CAPRIN2: variants seen among roughly 807,000 people sequenced by gnomAD.
The protein encoded by CAPRIN2 is caprin-2.
Under a neutral mutation model 130.4 loss-of-function variants are expected in CAPRIN2, and 66 were observed. The observed-to-expected ratio is 0.51, with a 90% CI of 0.42 to 0.62. CAPRIN2 has a LOEUF of 0.62. Among genes scored for constraint, CAPRIN2 ranks in the 20% least tolerant of loss-of-function variants. The pLI, the probability that CAPRIN2 is intolerant of heterozygous loss-of-function variation, is 0.00. For missense variants in CAPRIN2, 1,185 were observed against 1,246.6 expected, an observed-to-expected ratio of 0.95 and a Z score of 0.74; for synonymous variants, 471 against 444.1, an observed-to-expected ratio of 1.06 and a Z score of -0.76.
intron 12 of CAPRIN2, among the ~76,000 whole-genome samples, chr12:30,718,195 C>T (rs971676609): frequency 9.2e-5 from 14 of 152,152 alleles, no homozygotes; most frequent in African/African-American, 3.4e-4. Flanking sequence ...ACACTGCTTG[C>T]TTTTAATTAG....
At chr12:30,724,277 G>T in intron 10 of CAPRIN2, 93 bp downstream of exon 11, 1 of 783,714 alleles carries the variant, frequency 1.3e-6, no homozygotes, top group East Asian at 2.5e-5. Context: ...CAACATATTA[G>T]GACATCTAAA....
At chr12:30,718,273 C>G (rs1287862819) in intron 12 of CAPRIN2, among the ~76,000 whole-genome samples, 1 of 152,132 alleles carries the variant, frequency 6.6e-6, no homozygotes, top group South Asian at 2.1e-4. Flanking sequence ...AGAGTGAAAG[C>G]AAGGAACTAT....
At chr12:30,734,710 A>G (rs916445410) in intron 4 of CAPRIN2, among the ~76,000 whole-genome samples, 2 of 152,154 alleles carry the variant, frequency 1.3e-5, no homozygotes, top group Admixed American at 1.3e-4. Context: ...TCAGTATTAC[A>G]ATAAAGAAGC....
intron 12 of CAPRIN2, chr12:30,719,489 G>A (rs1173180373): frequency 1.8e-5 from 7 of 388,238 alleles, no homozygotes; most frequent in South Asian, 1.2e-4. Context: ...CTTTTTATAC[G>A]CACCTAGTCC....
At chr12:30,728,721 C>G in exon 8 of CAPRIN2, 1 of 1,614,168 alleles carries the variant, frequency 6.2e-7, no homozygotes, top group Non-Finnish European at 8.5e-7. Context: ...AGCTACTCCC[C>G]AGGACTTTGG....
exon 6 of CAPRIN2, chr12:30,731,417 G>A: frequency 6.2e-7 from 1 of 1,612,786 alleles, no homozygotes; most frequent in African/African-American, 1.3e-5. Context: ...TTCCTCCAGT[G>A]GTACTTCCTT....
intron 7 of CAPRIN2, 105 bp downstream of exon 8, chr12:30,730,133 AG>A: frequency 1.2e-6 from 1 of 866,246 alleles, no homozygotes; most frequent in Non-Finnish European, 1.9e-6. Flanking sequence ...CTGCAGAACC[AG>A]GGTTCAAGCT....
At chr12:30,709,690 G>C (rs559739172) in exon 17 of CAPRIN2, 1 of 521,968 alleles carries the variant, frequency 1.9e-6, no homozygotes, top group African/African-American at 1.9e-5. Flanking sequence ...GACTAGCGAG[G>C]CTACATCACA....
intron 15 of CAPRIN2, among the ~76,000 whole-genome samples, chr12:30,712,988 T>C (rs2055749808): frequency 6.6e-6 from 1 of 152,152 alleles, no homozygotes; most frequent in Admixed American, 6.5e-5. Flanking sequence ...GTGATCCACC[T>C]GCCTCAGCCT....
At chr12:30,728,614 A>G (rs538933470) in intron 8 of CAPRIN2, 34 bp downstream of exon 9, 2 of 1,530,608 alleles carry the variant, frequency 1.3e-6, no homozygotes, top group African/African-American at 2.8e-5. Context: ...TTATGCCTAC[A>G]CTTACAGAAG....
chr12:30,730,168 T>A, intron 7 of CAPRIN2, 71 bp downstream of exon 8: 1 of 1,282,618 alleles, frequency 7.8e-7, no homozygotes, highest in Non-Finnish European at 1.1e-6. Flanking sequence ...TCCAGAGCCT[T>A]AGCTTCCAAC....
At chr12:30,746,439 G>C (rs564050990) in intron 2 of CAPRIN2, among the ~76,000 whole-genome samples, 1 of 152,260 alleles carries the variant, frequency 6.6e-6, no homozygotes, top group African/African-American at 2.4e-5. Context: ...ACAGCACCAA[G>C]AGCGAACCCT....
intron 3 of CAPRIN2, among the ~76,000 whole-genome samples, chr12:30,738,106 A>C (rs1246519107): frequency 6.6e-6 from 1 of 152,156 alleles, no homozygotes; most frequent in Non-Finnish European, 1.5e-5. Flanking sequence ...GAGCCCAAAA[A>C]TTACCAGGTA....
At position 30,749,406 on chromosome 12, in the gene CAPRIN2, C is replaced by T. The variant is rs118138197; in HGVS notation, c.483+1665G>A. On this transcript the variant is annotated intron_variant, in intron 2 of 16. Coordinates refer to ENST00000298892, the Ensembl canonical transcript of CAPRIN2. ...CAGTACAGGATCACTGAGTTTACTA[C>T]GTTGAACAGACTTGGAGAGGGCAGA... Among the ~76,000 whole-genome samples the T allele has an allele frequency of 4.6e-3, 702 of 152,232 alleles. 3 individuals carry two copies. The highest frequency in any genetic ancestry group is 4.4e-3 in the Non-Finnish European group (299 of 68,014).
At chr12:30,713,726 C>A in intron 15 of CAPRIN2, 59 bp downstream of exon 17, 1 of 983,022 alleles carries the variant, frequency 1.0e-6, no homozygotes. Context: ...ATACTTCAAT[C>A]ACCAGCTTAA....
At chr12:30,738,134 A>G (rs2065745947) in intron 3 of CAPRIN2, among the ~76,000 whole-genome samples, 1 of 152,158 alleles carries the variant, frequency 6.6e-6, no homozygotes, top group African/African-American at 2.4e-5. Flanking sequence ...AAAAACCTCA[A>G]AAGTACTGCC....
chr12:30,744,229 C>T (rs1293071712), intron 2 of CAPRIN2, among the ~76,000 whole-genome samples: 1 of 152,154 alleles, frequency 6.6e-6, no homozygotes, highest in Admixed American at 6.5e-5. Context: ...CATAATCATT[C>T]ACCTACACTA....
At chr12:30,753,793 C>A in exon 1 of CAPRIN2, 1 of 1,571,346 alleles carries the variant, frequency 6.4e-7, no homozygotes. Context: ...GTGCCGCTAG[C>A]CAATAAGGAT....
At chr12:30,723,931 G>T (rs1565591390) in intron 10 of CAPRIN2, among the ~76,000 whole-genome samples, 1 of 152,152 alleles carries the variant, frequency 6.6e-6, no homozygotes, top group African/African-American at 2.4e-5. Flanking sequence ...AAAAGCCCAA[G>T]CTTTGAAGCA....
Sources: allele counts gnomAD v4.1 joint callset (sites outside exome capture counted in the v4.1 genomes callset), GRCh38; gene constraint gnomAD v4.1.1; transcripts MANE v1.5; gene names NCBI Gene and HGNC (gene_info 2026-07-23, HGNC 2026-07-21).